Variants in TANGO6 observed in about 807,000 individuals in gnomAD.
TANGO6 encodes transport and golgi organization 6 homolog, also known as transport and Golgi organization protein 6 homolog.
A neutral mutation model predicts 114.2 loss-of-function variants in TANGO6; 90 were observed. The ratio of observed to expected loss-of-function variants is 0.79; its 90% CI spans 0.66 to 0.94. The LOEUF is 0.94. TANGO6 is among the 40% of genes least tolerant of loss of function. The pLI is 0.00. For missense variants in TANGO6, 1,274 were observed against 1,315.3 expected, an observed-to-expected ratio of 0.97 and a Z score of 0.49; for synonymous variants, 477 against 509.8, an observed-to-expected ratio of 0.94 and a Z score of 0.87.
intron 2 of TANGO6, among the ~76,000 whole-genome samples, chr16:68,862,583 G>A (rs1172706452): frequency 6.6e-6 from 1 of 152,196 alleles, no homozygotes; most frequent in African/African-American, 2.4e-5. Context: ...ACCTTCTGCA[G>A]GGGATATGCC....
At chr16:69,024,685 G>A (rs558393191) in intron 16 of TANGO6, among the ~76,000 whole-genome samples, 16 of 152,236 alleles carry the variant, frequency 1.1e-4, no homozygotes, top group African/African-American at 3.4e-4. Context: ...ATGATAGACA[G>A]AAAAAGACTA....
chr16:69,017,216 C>G (rs553810583), intron 15 of TANGO6, among the ~76,000 whole-genome samples: 1 of 152,256 alleles, frequency 6.6e-6, no homozygotes, highest in Admixed American at 6.5e-5. Flanking sequence ...ACATCTCACT[C>G]CATTGTTATT....
At chr16:69,019,183 G>A (rs970969664) in intron 15 of TANGO6, among the ~76,000 whole-genome samples, 3 of 151,872 alleles carry the variant, frequency 2.0e-5, no homozygotes, top group East Asian at 1.9e-4. Context: ...CATTTTTCAC[G>A]ATTACAATTC....
At chr16:69,068,109 C>T (rs1196119071) in intron 17 of TANGO6, among the ~76,000 whole-genome samples, 2 of 151,906 alleles carry the variant, frequency 1.3e-5, no homozygotes, top group African/African-American at 2.4e-5. Flanking sequence ...CCACTGCACT[C>T]CAGCCTGGGC....
intron 17 of TANGO6, among the ~76,000 whole-genome samples, chr16:69,046,218 C>T (rs1465550540): frequency 6.6e-6 from 1 of 151,792 alleles, no homozygotes; most frequent in African/African-American, 2.4e-5. Context: ...ATAAGTTACT[C>T]AATATATGAA....
chr16:68,963,998 G>T (rs1056494849), intron 14 of TANGO6, among the ~76,000 whole-genome samples: 1 of 152,022 alleles, frequency 6.6e-6, no homozygotes, highest in Non-Finnish European at 1.5e-5. Context: ...ATTCTGCTGT[G>T]TTAGTTGCAA....
At chr16:68,907,787 ACTT>A (rs1042834280) in intron 10 of TANGO6, among the ~76,000 whole-genome samples, 1 of 152,176 alleles carries the variant, frequency 6.6e-6, no homozygotes, top group African/African-American at 2.4e-5. Flanking sequence ...GTTATCTACT[ACTT>A]CTCCAAGTAA....
intron 1 of TANGO6, among the ~76,000 whole-genome samples, chr16:68,847,222 A>G (rs1961824477): frequency 6.6e-6 from 1 of 152,184 alleles, no homozygotes. Flanking sequence ...TTGTTGCAAT[A>G]TGAAATCAGA....
chr16:68,848,411 T>G (rs1308652328), intron 1 of TANGO6, among the ~76,000 whole-genome samples: 1 of 152,032 alleles, frequency 6.6e-6, no homozygotes, highest in Non-Finnish European at 1.5e-5. Context: ...GTACCACTAT[T>G]AGCAATTCAG....
chr16:69,082,367 G>T (rs1323234440), intron 17 of TANGO6, among the ~76,000 whole-genome samples: 1 of 152,032 alleles, frequency 6.6e-6, no homozygotes, highest in African/African-American at 2.4e-5. Flanking sequence ...GCCTCTCAAA[G>T]TGCTGGGATT....
intron 11 of TANGO6, among the ~76,000 whole-genome samples, chr16:68,912,911 CAAA>C (rs554300938): frequency 1.3e-4 from 11 of 81,844 alleles, no homozygotes; most frequent in Admixed American, 1.4e-4. Context: ...CCCCATCTCT[CAAA>C]AAAAAAAAAA....
intron 17 of TANGO6, among the ~76,000 whole-genome samples, chr16:69,076,084 A>ATT (rs1960373020): frequency 2.5e-5 from 2 of 79,522 alleles, no homozygotes; most frequent in African/African-American, 1.0e-4. Flanking sequence ...TTTTTATTTC[A>ATT]TTTCTTTTTT....
At chr16:68,903,841 G>A (rs924870105) in intron 9 of TANGO6, among the ~76,000 whole-genome samples, 1 of 151,282 alleles carries the variant, frequency 6.6e-6, no homozygotes, top group African/African-American at 2.4e-5. Context: ...ACTGTCACTC[G>A]AACCCAGGAG....
At position 69,008,768 on chromosome 16, in the gene TANGO6, ATGT is replaced by A. The variant is rs1036897424; in HGVS notation, c.2843-14059_2843-14057del. On this transcript the variant is annotated intron_variant, in intron 15 of 17. Coordinates refer to ENST00000261778, the MANE Select transcript of TANGO6 (RefSeq NM_024562.2). ...ACCAATTTTCGTGCCTCAGCCTCCA[ATGT>A]AGCTGGGATTACAGGCACCTGCCAC... 1.5e-3 allele frequency among the ~76,000 whole-genome samples: 232 copies of A among 151,948 alleles called. 1 individual carries two copies. The highest frequency in any genetic ancestry group is 5.2e-3 in the African/African-American group (216 of 41,454).
chr16:69,037,438 G>A (rs1001406564), intron 16 of TANGO6, among the ~76,000 whole-genome samples: 2 of 152,322 alleles, frequency 1.3e-5, no homozygotes, highest in South Asian at 4.1e-4. Flanking sequence ...CCCTCTGCTC[G>A]GTCCATGGCC....
At chr16:69,074,615 C>T (rs1597080994) in intron 17 of TANGO6, among the ~76,000 whole-genome samples, 2 of 152,056 alleles carry the variant, frequency 1.3e-5, no homozygotes, top group African/African-American at 4.8e-5. Context: ...TCTTTGTTCT[C>T]CAGATATCGG....
chr16:68,877,557 A>T (rs1288841706), intron 5 of TANGO6, among the ~76,000 whole-genome samples: 1 of 152,000 alleles, frequency 6.6e-6, no homozygotes, highest in Non-Finnish European at 1.5e-5. Context: ...TGTATTTTAT[A>T]AATTTGATAA....
intron 17 of TANGO6, among the ~76,000 whole-genome samples, chr16:69,070,412 C>T (rs1960281723): frequency 6.6e-6 from 1 of 151,908 alleles, no homozygotes; most frequent in African/African-American, 2.4e-5. Flanking sequence ...GCGGGGGGAT[C>T]ACCTGAGGTC....
chr16:69,053,477 T>C (rs564381450), intron 17 of TANGO6, among the ~76,000 whole-genome samples: 312 of 152,314 alleles, frequency 2.0e-3, no homozygotes, highest in South Asian at 3.7e-3. Flanking sequence ...TTGCTGAAAG[T>C]TTATAAATCT....
Sources: allele counts gnomAD v4.1 joint callset (sites outside exome capture counted in the v4.1 genomes callset), GRCh38; gene constraint gnomAD v4.1.1; transcripts MANE v1.5; gene names NCBI Gene and HGNC (gene_info 2026-07-23, HGNC 2026-07-21).